TNPO3: variants seen among roughly 807,000 people sequenced by gnomAD.
TNPO3 encodes transportin 3, also known as transportin-3.
Under a neutral mutation model 122.8 loss-of-function variants are expected in TNPO3, and 65 were observed. The observed-to-expected ratio is 0.53, with a 90% CI of 0.43 to 0.65. The LOEUF is 0.65. Among genes scored for constraint, TNPO3 ranks in the 30% least tolerant of loss-of-function variants. The pLI is 0.00. For synonymous variants in TNPO3, 372 were observed against 411.2 expected (o/e 0.90, Z 1.15); for missense variants, 850 against 1,136.7 (o/e 0.75, Z 3.63).
intron 1 of TNPO3, among the ~76,000 whole-genome samples, chr7:129,020,388 C>T (rs138194431): frequency 7.4e-4 from 113 of 152,266 alleles, no homozygotes; most frequent in Non-Finnish European, 1.1e-3. Context: ...AACCCAAGCA[C>T]ACCTATGATT....
chr7:129,006,948 A>G (rs886694709), intron 4 of TNPO3, among the ~76,000 whole-genome samples: 1 of 152,168 alleles, frequency 6.6e-6, no homozygotes, highest in African/African-American at 2.4e-5. Context: ...TCCTTCTCAG[A>G]AGACAGAAGA....
chr7:129,051,390 C>A (rs1473256618), intron 1 of TNPO3, among the ~76,000 whole-genome samples: 1 of 146,820 alleles, frequency 6.8e-6, no homozygotes, highest in Non-Finnish European at 1.5e-5. Context: ...CTTGCTGTTT[C>A]CCAGGCTAGA....
In TNPO3 at chr7:129,054,781, G is replaced by A. The variant is rs1191846249; in HGVS notation, c.-11C>T. ...CTTTGCTCCTTCCATGGTGGTGGCG[G>A]TAGTGGCGGTAGCGACGGCTCTGAT... On this transcript the variant is annotated 5_prime_UTR_variant, in exon 1 of 23. Coordinates refer to ENST00000265388, the MANE Select transcript of TNPO3 (RefSeq NM_012470.4). 5.6e-6 allele frequency: 9 copies of A among 1,614,078 alleles called. No individual in the cohort carries two copies. In the Middle Eastern group the frequency reaches 4.9e-4, roughly 89 times the overall value.
At chr7:129,050,790 A>G (rs1480109135) in intron 1 of TNPO3, among the ~76,000 whole-genome samples, 1 of 152,236 alleles carries the variant, frequency 6.6e-6, no homozygotes, top group African/African-American at 2.4e-5. Context: ...AAAGCAGCCC[A>G]AGAAAAACAG....
At chr7:129,042,504 G>A (rs867207470) in intron 1 of TNPO3, among the ~76,000 whole-genome samples, 14 of 152,134 alleles carry the variant, frequency 9.2e-5, no homozygotes, top group Middle Eastern at 3.4e-3. Context: ...TTCATGAGAC[G>A]GGTAAAGAAA....
chr7:128,993,999 C>T, intron 8 of TNPO3, 85 bp from the exon 9 acceptor site: 2 of 1,245,572 alleles, frequency 1.6e-6, no homozygotes, highest in South Asian at 2.7e-5. Context: ...AGAAAAAAAC[C>T]ATTAAGCAGT....
At chr7:128,980,423 T>C (rs1273492295) in intron 14 of TNPO3, among the ~76,000 whole-genome samples, 1 of 151,928 alleles carries the variant, frequency 6.6e-6, no homozygotes, top group East Asian at 1.9e-4. Context: ...GCCTGACCAA[T>C]ATGGTGAAAA....
intron 16 of TNPO3, among the ~76,000 whole-genome samples, chr7:128,976,838 G>A (rs1799107996): frequency 6.6e-6 from 1 of 152,202 alleles, no homozygotes; most frequent in African/African-American, 2.4e-5. Flanking sequence ...CATGGAATGA[G>A]CATGAGATGG....
At chr7:129,017,136 A>ATGTTT in intron 2 of TNPO3, 80 bp from the exon 3 acceptor site, 1 of 1,338,450 alleles carries the variant, frequency 7.5e-7, no homozygotes, top group Non-Finnish European at 1.1e-6. Flanking sequence ...AAGCAAAGAA[A>ATGTTT]CATTTCTTCC....
chr7:129,042,596 T>A (rs971191043), intron 1 of TNPO3, among the ~76,000 whole-genome samples: 4 of 152,164 alleles, frequency 2.6e-5, no homozygotes, highest in African/African-American at 9.7e-5. Context: ...TAATCCTTTA[T>A]GAGAATTTTA....
At position 128,972,569 on chromosome 7, in the gene TNPO3, T is replaced by A. The variant is rs1475870886; in HGVS notation, c.2287A>T (p.Ser763Cys). ...FRLATRFIQR[S>C]PVTLLRSQVV... Reference sequence around the variant, plus strand: ...TGGCTCCGCAGCAAGGTGACAGGGCTACGCTGAATAAACCTGGTGTGGAAA... The same window carrying A: ...TGGCTCCGCAGCAAGGTGACAGGGCAACGCTGAATAAACCTGGTGTGGAAA... The change falls in exon 19 of 23, where the codon AGC (serine) becomes TGC (cysteine). Residue 763 changes from serine (S) to cysteine (C), a missense_variant. By Grantham distance (112) the Ser-to-Cys change is moderately radical (BLOSUM62 -1). Transcript: ENST00000265388. 6.2e-7 allele frequency: 1 copy of A among 1,613,746 alleles called. No individual in the cohort carries two copies. The highest frequency in any genetic ancestry group is 1.7e-5 in the Admixed American group (1 of 59,960).
chr7:129,034,637 C>T (rs985635473), intron 1 of TNPO3, among the ~76,000 whole-genome samples: 1 of 152,048 alleles, frequency 6.6e-6, no homozygotes, highest in Non-Finnish European at 1.5e-5. Context: ...CGCCTGTAAT[C>T]CCAGCACTTT....
chr7:128,982,680 G>C (rs1277413281), intron 13 of TNPO3, among the ~76,000 whole-genome samples: 1 of 151,796 alleles, frequency 6.6e-6, no homozygotes, highest in Non-Finnish European at 1.5e-5. Context: ...ATATGTAAAA[G>C]ATTATATATT....
chr7:128,981,949 C>T (rs189990970), intron 14 of TNPO3, among the ~76,000 whole-genome samples: 3 of 152,156 alleles, frequency 2.0e-5, no homozygotes, highest in Admixed American at 6.5e-5. Context: ...AGGCTGGTGT[C>T]GAACTCCTGA....
At chr7:129,033,096 G>T (rs9649521) in intron 1 of TNPO3, among the ~76,000 whole-genome samples, 10 of 151,914 alleles carry the variant, frequency 6.6e-5, no homozygotes, top group Middle Eastern at 3.4e-3. Flanking sequence ...AATGGTGCTA[G>T]GAAAACTGAA....
intron 19 of TNPO3, among the ~76,000 whole-genome samples, chr7:128,972,018 T>C (rs956471089): frequency 6.6e-6 from 1 of 152,174 alleles, no homozygotes; most frequent in Non-Finnish European, 1.5e-5. Context: ...TAGCCAGGCA[T>C]GGTGTTGAAT....
chr7:128,962,260 G>A (rs1184190419), intron 21 of TNPO3, among the ~76,000 whole-genome samples: 3 of 151,908 alleles, frequency 2.0e-5, no homozygotes, highest in Non-Finnish European at 2.9e-5. Flanking sequence ...AGCTACTCGG[G>A]AGGCTGAGGC....
At chr7:129,015,527 G>A (rs1261933927) in intron 3 of TNPO3, among the ~76,000 whole-genome samples, 1 of 152,150 alleles carries the variant, frequency 6.6e-6, no homozygotes, top group Non-Finnish European at 1.5e-5. Flanking sequence ...TGTTAATAGT[G>A]GTTGCTTATA....
intron 1 of TNPO3, among the ~76,000 whole-genome samples, chr7:129,038,695 G>A (rs113318255): frequency 2.0e-4 from 30 of 152,306 alleles, no homozygotes; most frequent in African/African-American, 7.0e-4. Context: ...CATGGATGGC[G>A]CTGGAGGCCA....
Sources: gnomAD v4.1 joint callset for allele counts (sites outside exome capture counted in the v4.1 genomes callset) on GRCh38, gnomAD v4.1.1 for gene constraint, MANE v1.5 for transcripts, NCBI Gene and HGNC (gene_info 2026-07-23, HGNC 2026-07-21) for gene names.